The following ANO3 variants were observed in gnomAD, a reference collection of about 807,000 sequenced individuals.
The protein encoded by ANO3 is anoctamin 3.
ANO3 carries 99 observed loss-of-function variants against 144.8 expected under a neutral mutation model. The ratio of observed to expected loss-of-function variants is 0.68; its 90% CI spans 0.58 to 0.81. ANO3 has a LOEUF of 0.81. Among genes scored for constraint, ANO3 ranks in the 30% least tolerant of loss-of-function variants. The pLI, the probability that ANO3 is intolerant of heterozygous loss-of-function variation, is 0.00. For synonymous variants in ANO3, 414 were observed against 392.6 expected, an observed-to-expected ratio of 1.05 and a Z score of -0.64; for missense variants, 905 against 1,202.2, an observed-to-expected ratio of 0.75 and a Z score of 3.66.
intron 1 of ANO3, among the ~76,000 whole-genome samples, chr11:26,204,214 C>T (rs1851753072): frequency 6.6e-6 from 1 of 152,116 alleles, no homozygotes; most frequent in African/African-American, 2.4e-5. Context: ...GCAATTCACA[C>T]ACACCCCTTA....
At chr11:26,555,179 G>T (rs978801808) in intron 13 of ANO3, among the ~76,000 whole-genome samples, 2 of 152,152 alleles carry the variant, frequency 1.3e-5, no homozygotes, top group African/African-American at 4.8e-5. Flanking sequence ...CCATAAAGAT[G>T]ATAGAGACTT....
At chr11:26,194,445 T>C in intron 1 of ANO3, among the ~76,000 whole-genome samples, 1 of 50,360 alleles carries the variant, frequency 2.0e-5, no homozygotes, top group Admixed American at 2.0e-4. Context: ...TAGTGGTGTG[T>C]GTGTGTGTGT....
At chr11:26,467,640 A>C (rs1032094307) in intron 4 of ANO3, among the ~76,000 whole-genome samples, 1 of 148,294 alleles carries the variant, frequency 6.7e-6, no homozygotes, top group Admixed American at 6.8e-5. Flanking sequence ...ATAGTACTCC[A>C]TTGTGTATAT....
intron 1 of ANO3, among the ~76,000 whole-genome samples, chr11:26,396,127 A>G (rs982069743): frequency 6.6e-6 from 1 of 152,224 alleles, no homozygotes; most frequent in Admixed American, 6.5e-5. Context: ...AAGTAGGCGA[A>G]GGATATGAAC....
At chr11:26,347,371 AAC>A (rs1164048465) in intron 1 of ANO3, among the ~76,000 whole-genome samples, 4 of 152,238 alleles carry the variant, frequency 2.6e-5, no homozygotes, top group African/African-American at 9.6e-5. Flanking sequence ...TATGACAAAC[AAC>A]AGATATTTAT....
At chr11:26,345,307 C>A (rs1489541640) in intron 1 of ANO3, among the ~76,000 whole-genome samples, 4 of 152,198 alleles carry the variant, frequency 2.6e-5, no homozygotes, top group African/African-American at 7.2e-5. Flanking sequence ...GTAATCCCAG[C>A]ACTTTGAGAG....
chr11:26,277,163 T>C (rs1439319752), intron 1 of ANO3, among the ~76,000 whole-genome samples: 3 of 152,092 alleles, frequency 2.0e-5, no homozygotes, highest in African/African-American at 7.2e-5. Context: ...CTTCATGTGA[T>C]TTTTTTCTTA....
chr11:26,421,079 A>G (rs1857737442), intron 1 of ANO3, among the ~76,000 whole-genome samples: 1 of 152,048 alleles, frequency 6.6e-6, no homozygotes, highest in African/African-American at 2.4e-5. Flanking sequence ...ATTTTCACAC[A>G]TAAAATGGGG....
intron 17 of ANO3, among the ~76,000 whole-genome samples, chr11:26,600,875 A>G (rs1851783562): frequency 6.6e-6 from 1 of 152,152 alleles, no homozygotes; most frequent in Non-Finnish European, 1.5e-5. Context: ...TAGTTACTCA[A>G]AGAAAGCACC....
At chr11:26,347,454 C>A (rs575189824) in intron 1 of ANO3, among the ~76,000 whole-genome samples, 4 of 152,318 alleles carry the variant, frequency 2.6e-5, no homozygotes, top group Admixed American at 2.6e-4. Context: ...GCTGATCATG[C>A]CCCCTTTTCT....
intron 7 of ANO3, among the ~76,000 whole-genome samples, chr11:26,529,665 C>A (rs1236391162): frequency 2.7e-5 from 4 of 149,992 alleles, no homozygotes; most frequent in African/African-American, 9.8e-5. Flanking sequence ...GCAGAAGAAG[C>A]CAAAAATTTC....
intron 1 of ANO3, among the ~76,000 whole-genome samples, chr11:26,297,742 C>T (rs942442264): frequency 5.3e-5 from 8 of 152,108 alleles, no homozygotes; most frequent in African/African-American, 1.9e-4. Flanking sequence ...CCATCTGTAC[C>T]AAGTTTCCTT....
intron 1 of ANO3, among the ~76,000 whole-genome samples, chr11:26,365,983 TATATATATATA>T (rs1344301601): frequency 2.9e-3 from 6 of 2,074 alleles, no homozygotes; most frequent in African/African-American, 4.6e-3. Context: ...TATATATATA[TATATATATATA>T]TATATATATT....
intron 14 of ANO3, chr11:26,563,327 C>A: frequency 6.8e-7 from 1 of 1,464,684 alleles, no homozygotes; most frequent in Non-Finnish European, 9.2e-7. Context: ...GAACTCTATG[C>A]ATGTGAACTT....
chr11:26,347,548 T>A (rs1299914988), intron 1 of ANO3, among the ~76,000 whole-genome samples: 1 of 152,204 alleles, frequency 6.6e-6, no homozygotes, highest in Non-Finnish European at 1.5e-5. Flanking sequence ...TCTGTCAAAT[T>A]AATTATAGAA....
At chr11:26,520,149 C>T (rs568453717) in intron 6 of ANO3, among the ~76,000 whole-genome samples, 2 of 152,218 alleles carry the variant, frequency 1.3e-5, no homozygotes, top group East Asian at 3.9e-4. Context: ...CTAAGAAGTA[C>T]ATTAAAAACA....
chr11:26,423,183 A>G (rs1857804172), intron 1 of ANO3, among the ~76,000 whole-genome samples: 1 of 151,972 alleles, frequency 6.6e-6, no homozygotes, highest in Non-Finnish European at 1.5e-5. Flanking sequence ...CTACAAATCA[A>G]TAGAAACATA....
intron 6 of ANO3, among the ~76,000 whole-genome samples, chr11:26,518,995 A>C (rs926197010): frequency 1.3e-5 from 2 of 152,166 alleles, no homozygotes; most frequent in African/African-American, 4.8e-5. Flanking sequence ...AAAGAATGAC[A>C]CAAGAAAATG....
At chr11:26,243,088 T>C (rs909939271) in intron 1 of ANO3, among the ~76,000 whole-genome samples, 8 of 152,118 alleles carry the variant, frequency 5.3e-5, no homozygotes, top group African/African-American at 1.9e-4. Context: ...CAAATGACTC[T>C]ACTAAAGATG....
Sources: gnomAD v4.1 joint callset for allele counts (sites outside exome capture counted in the v4.1 genomes callset) on GRCh38, gnomAD v4.1.1 for gene constraint, MANE v1.5 for transcripts, NCBI Gene and HGNC (gene_info 2026-07-23, HGNC 2026-07-21) for gene names.